Variants in TEKT3 observed in about 807,000 individuals in gnomAD.
TEKT3 encodes tektin-3.
TEKT3 carries 49 observed loss-of-function variants against 49.8 expected under a neutral mutation model. That is an observed-to-expected ratio of 0.98 (90% CI 0.78 to 1.25). The LOEUF is 1.25. TEKT3 is among the 50% of genes most tolerant of loss of function. The pLI, the probability that TEKT3 is intolerant of heterozygous loss-of-function variation, is 0.00. For missense variants in TEKT3, 595 were observed against 629.5 expected, an observed-to-expected ratio of 0.95 and a Z score of 0.59; for synonymous variants, 225 against 237.2, an observed-to-expected ratio of 0.95 and a Z score of 0.47.
chr17:15,312,025 T>C (rs1265783108), intron 7 of TEKT3, among the ~76,000 whole-genome samples: 2 of 152,214 alleles, frequency 1.3e-5, no homozygotes, highest in Non-Finnish European at 2.9e-5. Flanking sequence ...AACTTTTCAT[T>C]ACATAGTGCC....
intron 3 of TEKT3, among the ~76,000 whole-genome samples, chr17:15,329,683 T>C (rs916637949): frequency 3.3e-5 from 5 of 152,154 alleles, no homozygotes; most frequent in Non-Finnish European, 7.4e-5. Context: ...TGTGTTTTTG[T>C]ACAGCGGGGA....
At chr17:15,339,733 G>A (rs1396419390) in intron 2 of TEKT3, among the ~76,000 whole-genome samples, 4 of 152,174 alleles carry the variant, frequency 2.6e-5, no homozygotes, top group Non-Finnish European at 5.9e-5. Context: ...TAGGCTTGAA[G>A]GGCTCACATA....
chr17:15,304,047 T>A lies in TEKT3; in HGVS notation c.1362A>T (p.Thr454=), dbSNP rs13961. ...TLQSLVHIKA[T]LEYDLAVKAN... ...CTTTGACAGCCAGGTCATACTCGAGTGTGGCTTTGATGTGGACCAGCGACT... is the reference window on the plus strand; with the variant it reads ...CTTTGACAGCCAGGTCATACTCGAGAGTGGCTTTGATGTGGACCAGCGACT... Residue 454 remains threonine, a synonymous_variant, in exon 9 of 9, where the codon ACA becomes ACT. Coordinates refer to ENST00000395930, the MANE Select transcript of TEKT3 (RefSeq NM_031898.3). The surrounding 1 kb of genome is among the most constrained non-coding windows in gnomAD (Gnocchi z 4.7). 1 of 1,613,944 alleles carries A rather than the reference T, an allele frequency of 6.2e-7. No homozygotes were observed. The highest frequency in any genetic ancestry group is 8.5e-7 in the Non-Finnish European group (1 of 1,180,000).
At chr17:15,308,152 T>C (rs1250331284) in intron 8 of TEKT3, among the ~76,000 whole-genome samples, 1 of 152,074 alleles carries the variant, frequency 6.6e-6, no homozygotes, top group East Asian at 1.9e-4. Flanking sequence ...TAGGAGTCAG[T>C]GGAATTGGTA....
chr17:15,325,766 C>A (rs537118612), intron 4 of TEKT3, among the ~76,000 whole-genome samples: 10 of 152,272 alleles, frequency 6.6e-5, no homozygotes, highest in Non-Finnish European at 1.5e-4. Flanking sequence ...CAGAACATCT[C>A]AGGATTAGTG....
chr17:15,326,726 A>C (rs918657247), intron 4 of TEKT3, among the ~76,000 whole-genome samples: 3 of 152,200 alleles, frequency 2.0e-5, no homozygotes, highest in Non-Finnish European at 4.4e-5. Context: ...CTTAGGAATG[A>C]AGAACTAATG....
At chr17:15,330,161 T>C (rs1334375647) in intron 3 of TEKT3, among the ~76,000 whole-genome samples, 1 of 152,184 alleles carries the variant, frequency 6.6e-6, no homozygotes, top group African/African-American at 2.4e-5. Flanking sequence ...CACTACATCC[T>C]AAAAGGGAAT....
chr17:15,322,123 T>G (rs1911294599), intron 4 of TEKT3, among the ~76,000 whole-genome samples: 1 of 152,174 alleles, frequency 6.6e-6, no homozygotes, highest in African/African-American at 2.4e-5. Flanking sequence ...TGGTTAAATG[T>G]GCGTTGCTCC....
At chr17:15,336,061 A>G (rs1279752643) in intron 2 of TEKT3, among the ~76,000 whole-genome samples, 1 of 151,912 alleles carries the variant, frequency 6.6e-6, no homozygotes, top group Non-Finnish European at 1.5e-5. Flanking sequence ...TTTGCTGAAA[A>G]CTATAAATAC....
At chr17:15,306,115 G>A (rs1222494932) in intron 8 of TEKT3, among the ~76,000 whole-genome samples, 1 of 151,554 alleles carries the variant, frequency 6.6e-6, no homozygotes, top group African/African-American at 2.4e-5. Context: ...GTGTGTGTGT[G>A]TGTGTGTGTG....
At chr17:15,322,153 G>A (rs1163390821) in intron 4 of TEKT3, among the ~76,000 whole-genome samples, 1 of 152,138 alleles carries the variant, frequency 6.6e-6, no homozygotes, top group African/African-American at 2.4e-5. Context: ...TGCTCTGAAG[G>A]TCCTGATTTC....
chr17:15,308,564 A>C (rs1910633486), intron 8 of TEKT3, 100 bp downstream of exon 8: 1 of 1,477,990 alleles, frequency 6.8e-7, no homozygotes, highest in Admixed American at 1.9e-5. Flanking sequence ...AGGCTCCTAC[A>C]TGCTGCGTAT....
chr17:15,314,161 G>C lies in TEKT3; in HGVS notation c.804C>G (p.Asp268Glu). 1 of 1,614,206 alleles carries C rather than the reference G, an allele frequency of 6.2e-7. No individual in the cohort carries two copies. Among genetic ancestry groups the C allele is most frequent in the East Asian group, 2.2e-5 (1 of 44,864 alleles). Reference protein sequence around the residue: ...LSDKQTAYRIDDKCHHLRNTS... With the variant: ...LSDKQTAYRIEDKCHHLRNTS... ...TGTTGCGCAGGTGGTGGCATTTGTC[G>C]TCGATCCGGTAAGCCGTCTGTTTGT... Residue 268 changes from aspartate to glutamate, a missense_variant, in exon 6 of 9, where the codon GAC becomes GAG. By Grantham distance (45) the Asp-to-Glu change is conservative. Coordinates refer to ENST00000395930, the MANE Select transcript of TEKT3 (RefSeq NM_031898.3).
At chr17:15,314,399 C>T in intron 5 of TEKT3, 169 bp from the exon 6 acceptor site, 1 of 863,144 alleles carries the variant, frequency 1.2e-6, no homozygotes, top group East Asian at 2.7e-5. Flanking sequence ...CTGGATATGC[C>T]CATACCTCTA....
chr17:15,312,049 A>G (rs1910790029), intron 7 of TEKT3, among the ~76,000 whole-genome samples: 1 of 152,226 alleles, frequency 6.6e-6, no homozygotes, highest in Non-Finnish European at 1.5e-5. Context: ...TTTGTGTTCC[A>G]AATACCAGTG....
Position 15,331,441 on chromosome 17 carries a change from G to T in TEKT3, c.145C>A (p.Pro49Thr), listed in dbSNP as rs1911744258. The change falls in exon 3 of 9, where the codon CCT (proline) becomes ACT (threonine). Residue 49 changes from proline (P) to threonine (T), a missense_variant. Pro to Thr is a conservative substitution (Grantham distance 38, BLOSUM62 -1). Transcript: ENST00000395930. Reference sequence around the variant, plus strand: ...TTGTAGTATGTGCTGGGTCTCCAAGGAAGGCTCAGGCTATGGGTCAAATTG... The same window carrying T: ...TTGTAGTATGTGCTGGGTCTCCAAGTAAGGCTCAGGCTATGGGTCAAATTG... The part of the protein sequence containing the change: ...HSNLTHSLSL[P>T]WRPSTYYKVA... 2 of 1,613,994 alleles carry T rather than the reference G, an allele frequency of 1.2e-6. No homozygotes were observed. The highest frequency in any genetic ancestry group is 2.7e-5 in the African/African-American group (2 of 74,902).
chr17:15,313,310 A>G (rs1910847935), intron 6 of TEKT3, among the ~76,000 whole-genome samples: 1 of 152,126 alleles, frequency 6.6e-6, no homozygotes, highest in African/African-American at 2.4e-5. Context: ...AATTTCAATC[A>G]AGTTAACTTT....
At position 15,327,474 on chromosome 17, in the gene TEKT3, C is replaced by T. The variant is rs140283733; in HGVS notation, c.663+518G>A. Among the ~76,000 whole-genome samples the T allele has an allele frequency of 7.7e-4, 117 of 151,958 alleles. 3 individuals are homozygous for T. The East Asian group carries it at 0.022, about 29-fold the overall frequency. On this transcript the variant is annotated intron_variant, in intron 4 of 8. Coordinates refer to ENST00000395930, the MANE Select transcript of TEKT3 (RefSeq NM_031898.3). ...GAGGTTGCAGTGAGCCGAGATTGTG[C>T]CATTGCACTCCAGCCTGGGCGATAA...
At chr17:15,335,889 T>C (rs990818523) in intron 2 of TEKT3, among the ~76,000 whole-genome samples, 3 of 151,768 alleles carry the variant, frequency 2.0e-5, no homozygotes, top group Admixed American at 6.6e-5. Context: ...CATTAGAAAT[T>C]AGTGAGCTCA....
Sources: allele counts gnomAD v4.1 joint callset (sites outside exome capture counted in the v4.1 genomes callset), GRCh38; gene constraint gnomAD v4.1.1; non-coding constraint Gnocchi (gnomAD v3.1); transcripts MANE v1.5; gene names NCBI Gene and HGNC (gene_info 2026-07-23, HGNC 2026-07-21).